CTNND2: variants seen among roughly 807,000 people sequenced by gnomAD.
CTNND2 encodes catenin delta 2.
Under a neutral mutation model 144.4 loss-of-function variants are expected in CTNND2, and 22 were observed. The ratio of observed to expected loss-of-function variants is 0.15; its 90% CI spans 0.11 to 0.22. The LOEUF is 0.22. Among genes scored for constraint, CTNND2 ranks in the 10% least tolerant of loss-of-function variants. The pLI, the probability that CTNND2 is intolerant of heterozygous loss-of-function variation, is 1.00. For synonymous variants in CTNND2, 751 were observed against 695.6 expected, an observed-to-expected ratio of 1.08 and a Z score of -1.25; for missense variants, 1,353 against 1,618.8, an observed-to-expected ratio of 0.84 and a Z score of 2.82.
At chr5:11,649,349 G>A (rs566631077) in intron 2 of CTNND2, among the ~76,000 whole-genome samples, 119 of 152,034 alleles carry the variant, frequency 7.8e-4, no homozygotes, top group Non-Finnish European at 1.6e-3. Context: ...ACAGAGTCTC[G>A]CTCTGTCACC....
Position 11,114,829 on chromosome 5 carries a change from T to C in CTNND2, c.2277+2621A>G, listed in dbSNP as rs1056315966. On this transcript the variant is annotated intron_variant, in intron 13 of 21. Transcript: ENST00000304623. ...CTCATTCAAACCCCTCACCCTCAAT[T>C]TGTCATTGTGAAAGCTCAAAAGCGG... Among the ~76,000 whole-genome samples the C allele has an allele frequency of 3.3e-5, 5 of 152,212 alleles. No homozygotes were observed. In the East Asian group the frequency reaches 9.7e-4, roughly 29 times the overall value.
chr5:11,645,750 T>G (rs1194599159), intron 2 of CTNND2, among the ~76,000 whole-genome samples: 1 of 152,054 alleles, frequency 6.6e-6, no homozygotes. Context: ...TTATCTAAGT[T>G]TACATCCTTA....
At chr5:11,839,128 T>G (rs1369172622) in intron 1 of CTNND2, among the ~76,000 whole-genome samples, 2 of 152,136 alleles carry the variant, frequency 1.3e-5, no homozygotes, top group Non-Finnish European at 2.9e-5. Context: ...CTCAGCCTTT[T>G]TATGATTTAT....
At chr5:11,809,425 A>G (rs1404344521) in intron 1 of CTNND2, among the ~76,000 whole-genome samples, 3 of 152,204 alleles carry the variant, frequency 2.0e-5, no homozygotes, top group Non-Finnish European at 2.9e-5. Context: ...CAAGAAAATT[A>G]TTTTAAAACT....
chr5:11,328,957 T>C (rs1752810108), intron 9 of CTNND2, among the ~76,000 whole-genome samples: 1 of 152,210 alleles, frequency 6.6e-6, no homozygotes, highest in Non-Finnish European at 1.5e-5. Flanking sequence ...TTCTGGAGGC[T>C]GGAAGTCCAA....
intron 1 of CTNND2, among the ~76,000 whole-genome samples, chr5:11,734,319 T>G (rs1787557450): frequency 6.6e-6 from 1 of 152,082 alleles, no homozygotes; most frequent in African/African-American, 2.4e-5. Context: ...CCCCAACAAA[T>G]CTCATCTTGA....
chr5:11,166,555 T>A (rs1328913600), intron 11 of CTNND2, among the ~76,000 whole-genome samples: 4 of 151,780 alleles, frequency 2.6e-5, no homozygotes, highest in Admixed American at 6.6e-5. Context: ...CCAAAAAAAG[T>A]TCATTTTTTA....
intron 2 of CTNND2, among the ~76,000 whole-genome samples, chr5:11,633,013 G>A (rs903166185): frequency 6.6e-6 from 1 of 152,138 alleles, no homozygotes; most frequent in Non-Finnish European, 1.5e-5. Flanking sequence ...ACACTATTTG[G>A]CACACTAACA....
intron 6 of CTNND2, among the ~76,000 whole-genome samples, chr5:11,394,646 T>C (rs1329995384): frequency 6.6e-6 from 1 of 152,190 alleles, no homozygotes; most frequent in African/African-American, 2.4e-5. Flanking sequence ...AGAGAACAAA[T>C]ATTTTATGGC....
At chr5:11,381,026 T>A (rs12518049) in intron 7 of CTNND2, among the ~76,000 whole-genome samples, 2 of 151,860 alleles carry the variant, frequency 1.3e-5, no homozygotes, top group Non-Finnish European at 2.9e-5. Context: ...TGATGGTGAC[T>A]CTATTCTTCT....
intron 9 of CTNND2, among the ~76,000 whole-genome samples, chr5:11,239,159 A>G (rs1741952902): frequency 6.6e-6 from 1 of 152,278 alleles, no homozygotes; most frequent in Non-Finnish European, 1.5e-5. Flanking sequence ...TGTTTTATTA[A>G]CCAGTCAGGA....
At chr5:11,554,075 T>C (rs1185722948) in intron 3 of CTNND2, among the ~76,000 whole-genome samples, 1 of 152,212 alleles carries the variant, frequency 6.6e-6, no homozygotes, top group Non-Finnish European at 1.5e-5. Flanking sequence ...CAAATAAATT[T>C]AGAACTATTA....
At chr5:11,002,235 G>A (rs961572138) in intron 18 of CTNND2, among the ~76,000 whole-genome samples, 1 of 152,234 alleles carries the variant, frequency 6.6e-6, no homozygotes, top group Non-Finnish European at 1.5e-5. Context: ...ATATTACTGG[G>A]TAGGGAACAG....
chr5:11,192,230 G>A (rs1057146777), intron 11 of CTNND2, among the ~76,000 whole-genome samples: 2 of 152,138 alleles, frequency 1.3e-5, no homozygotes, highest in Non-Finnish European at 2.9e-5. Context: ...ATGAACCTTT[G>A]CCTGGACTTA....
intron 3 of CTNND2, among the ~76,000 whole-genome samples, chr5:11,471,501 T>C (rs1454147234): frequency 6.6e-6 from 1 of 152,188 alleles, no homozygotes; most frequent in African/African-American, 2.4e-5. Flanking sequence ...AGTGATGTTA[T>C]CAACGTTTCT....
At chr5:11,791,616 C>T (rs1025880297) in intron 1 of CTNND2, among the ~76,000 whole-genome samples, 4 of 152,164 alleles carry the variant, frequency 2.6e-5, no homozygotes, top group African/African-American at 9.7e-5. Context: ...ATTTGGCAAA[C>T]GTTGCCATAG....
intron 1 of CTNND2, among the ~76,000 whole-genome samples, chr5:11,831,904 A>C (rs1793923791): frequency 6.6e-6 from 1 of 152,182 alleles, no homozygotes; most frequent in African/African-American, 2.4e-5. Flanking sequence ...TCTAGAAGAC[A>C]ATGTAAGAGT....
intron 9 of CTNND2, among the ~76,000 whole-genome samples, chr5:11,317,453 T>G (rs1157403454): frequency 2.0e-5 from 3 of 152,234 alleles, no homozygotes; most frequent in Non-Finnish European, 4.4e-5. Flanking sequence ...TCTTCCCATT[T>G]TGCTTTTTCT....
chr5:11,318,507 T>G (rs549905513), intron 9 of CTNND2, among the ~76,000 whole-genome samples: 1 of 152,138 alleles, frequency 6.6e-6, no homozygotes, highest in Non-Finnish European at 1.5e-5. Flanking sequence ...CCCTCAATCC[T>G]TAGCTCTTAG....
Sources: allele counts gnomAD v4.1 joint callset (sites outside exome capture counted in the v4.1 genomes callset), GRCh38; gene constraint gnomAD v4.1.1; transcripts MANE v1.5; gene names NCBI Gene and HGNC (gene_info 2026-07-23, HGNC 2026-07-21).